NCOA3: variants seen among roughly 807,000 people sequenced by gnomAD.
NCOA3 encodes nuclear receptor coactivator 3.
Under a neutral mutation model 158.8 loss-of-function variants are expected in NCOA3, and 51 were observed. The ratio of observed to expected loss-of-function variants is 0.32; its 90% CI spans 0.26 to 0.41. The LOEUF is 0.41. Ranked by LOEUF, NCOA3 falls within the 10% of genes least tolerant of loss-of-function variation. NCOA3 has a pLI of 1.00. For missense variants in NCOA3, 1,510 were observed against 1,746.6 expected (o/e 0.86, Z 2.41); for synonymous variants, 537 against 592.4 (o/e 0.91, Z 1.36).
At chr20:47,641,490 CTTTTTTTTTTTTTTTTTTT>C (rs71183270) in intron 16 of NCOA3, among the ~76,000 whole-genome samples, 1 of 48,342 alleles carries the variant, frequency 2.1e-5, no homozygotes, top group African/African-American at 1.2e-4. Flanking sequence ...TGGCTCCCTT[CTTTTTTTTTTTTTTTTTTT>C]TTTTTTTTTG....
chr20:47,603,306 G>T (rs1427938164), intron 2 of NCOA3, among the ~76,000 whole-genome samples: 1 of 152,248 alleles, frequency 6.6e-6, no homozygotes, highest in East Asian at 1.9e-4. Flanking sequence ...CTCACAGGAC[G>T]TGCGACAGGG....
intron 1 of NCOA3, among the ~76,000 whole-genome samples, chr20:47,531,114 A>G (rs978420241): frequency 1.3e-5 from 2 of 152,166 alleles, no homozygotes; most frequent in African/African-American, 2.4e-5. Context: ...GAGGGCAGGC[A>G]GATCACTTGA....
chr20:47,639,341 TA>T, intron 14 of NCOA3, 139 bp downstream of exon 14: 2 of 943,582 alleles, frequency 2.1e-6, no homozygotes, highest in Non-Finnish European at 3.2e-6. Flanking sequence ...ATCCTTCATT[TA>T]TTCTATGTTT....
At chr20:47,561,469 T>G (rs1445120027) in intron 1 of NCOA3, among the ~76,000 whole-genome samples, 1 of 151,426 alleles carries the variant, frequency 6.6e-6, no homozygotes, top group South Asian at 2.1e-4. Flanking sequence ...ACCCAGCTAA[T>G]TTTTTTTCTT....
intron 1 of NCOA3, among the ~76,000 whole-genome samples, chr20:47,548,162 G>T (rs1197622107): frequency 6.6e-6 from 1 of 151,808 alleles, no homozygotes; most frequent in Non-Finnish European, 1.5e-5. Context: ...GGAATTGTGA[G>T]TTACCACCTG....
At chr20:47,525,581 C>A (rs1369315610) in intron 1 of NCOA3, among the ~76,000 whole-genome samples, 3 of 135,274 alleles carry the variant, frequency 2.2e-5, no homozygotes, top group Non-Finnish European at 3.2e-5. Context: ...CCCCACCTCC[C>A]TCCTGGACGG....
At position 47,633,569 on chromosome 20, in the gene NCOA3, G is replaced by A. The variant is rs1245043531; in HGVS notation, c.897G>A (p.Arg299=). The change falls in exon 9 of 23, where the codon AGG becomes AGA. Residue 299 remains arginine (R), a synonymous_variant. Transcript: ENST00000371998. ...CTGGCTTTGAAGATATAATCCGAAG[G>A]TGTATTCAGAGATTTTTTAGTCTAA... is the stretch of plus-strand genomic sequence containing the variant. ...MRPGFEDIIR[R]CIQRFFSLND... 1 of 1,613,720 alleles carries A rather than the reference G, an allele frequency of 6.2e-7. No homozygotes were observed. Among genetic ancestry groups the A allele is most frequent in the South Asian group, 1.1e-5 (1 of 91,060 alleles).
chr20:47,646,037 A>G (rs1257639396), intron 17 of NCOA3, among the ~76,000 whole-genome samples: 3 of 152,172 alleles, frequency 2.0e-5, no homozygotes, highest in Non-Finnish European at 4.4e-5. Flanking sequence ...TACCGTCACC[A>G]TTTGACATCT....
rs192092810 is a variant in NCOA3, at chr20:47,637,597, C to T, written c.2377-51C>T. The T allele has an allele frequency of 1.9e-4, 270 of 1,457,044 alleles. 1 individual carries two copies. In the African/African-American group the frequency reaches 2.9e-3, roughly 15 times the overall value. 90.3% of individuals were successfully genotyped at this position (1,457,044 alleles called of 1,614,324 possible). A position where few individuals can be genotyped will look rare whatever the true frequency, so the allele number is the denominator to read the frequency against. On this transcript the variant is annotated intron_variant, in intron 12 of 22. Coordinates refer to ENST00000371998, the MANE Select transcript of NCOA3 (RefSeq NM_181659.3). Reference sequence around the variant, plus strand: ...ATTTTTTCTGATGGGTATGTTTATACCTGTGTGTCTGGTAATGTATACAGG... The same window carrying T: ...ATTTTTTCTGATGGGTATGTTTATATCTGTGTGTCTGGTAATGTATACAGG...
intron 17 of NCOA3, among the ~76,000 whole-genome samples, chr20:47,646,194 T>TA (rs1342035294): frequency 1.3e-5 from 2 of 152,232 alleles, no homozygotes; most frequent in South Asian, 4.1e-4. Context: ...TAATACCTAA[T>TA]ACAATGTAAA....
intron 6 of NCOA3, 25 bp from the exon 7 acceptor site, chr20:47,627,536 T>C (rs757362569): frequency 3.8e-6 from 6 of 1,571,792 alleles, no homozygotes; most frequent in South Asian, 1.2e-5. Context: ...CTTTTTAAAA[T>C]GTCATTTCAA....
At position 47,653,769 on chromosome 20, in the gene NCOA3, C is replaced by T. The variant is rs147170444; in HGVS notation, c.*352C>T. The T allele has an allele frequency of 5.9e-5, 18 of 306,730 alleles. No homozygotes were observed. The highest frequency in any genetic ancestry group is 3.4e-4 in the African/African-American group (16 of 46,480). 19.0% of individuals were successfully genotyped at this position (306,730 alleles called of 1,614,324 possible). ...TGCTAGCCAAAATCTCTTAAATACA[C>T]GTAGGTGGGCCAGAGAACATTGGAA... On this transcript the variant is annotated 3_prime_UTR_variant, in exon 23 of 23. Coordinates refer to ENST00000371998, the MANE Select transcript of NCOA3 (RefSeq NM_181659.3).
intron 1 of NCOA3, among the ~76,000 whole-genome samples, chr20:47,537,891 T>C (rs1220585050): frequency 6.6e-6 from 1 of 151,578 alleles, no homozygotes; most frequent in Admixed American, 6.6e-5. Context: ...TGTTTGTTTG[T>C]TTGTTTGAGA....
chr20:47,625,521 C>T (rs1299737793), intron 5 of NCOA3, 40 bp downstream of exon 5: 1 of 1,322,164 alleles, frequency 7.6e-7, no homozygotes. Flanking sequence ...GGCTGTATTG[C>T]CCTTTGGTTT....
At chr20:47,594,310 A>G (rs1026571929) in intron 2 of NCOA3, among the ~76,000 whole-genome samples, 1 of 152,126 alleles carries the variant, frequency 6.6e-6, no homozygotes, top group Non-Finnish European at 1.5e-5. Context: ...GGAACCTTTT[A>G]GTTACCTGCT....
chr20:47,506,475 G>A (rs985073079), intron 1 of NCOA3, among the ~76,000 whole-genome samples: 1 of 152,106 alleles, frequency 6.6e-6, no homozygotes, highest in Non-Finnish European at 1.5e-5. Context: ...GTAGAAGGCC[G>A]ATTTATCCAC....
At chr20:47,522,528 A>G (rs2146084806) in intron 1 of NCOA3, among the ~76,000 whole-genome samples, 1 of 151,580 alleles carries the variant, frequency 6.6e-6, no homozygotes, top group East Asian at 1.9e-4. Context: ...CCAAAAGAGG[A>G]AGTCCCCACC....
At chr20:47,548,574 TAAAA>T (rs994310236) in intron 1 of NCOA3, among the ~76,000 whole-genome samples, 3 of 149,302 alleles carry the variant, frequency 2.0e-5, no homozygotes, top group Non-Finnish European at 4.4e-5. Context: ...AAATAAAAAT[TAAAA>T]AAAAATCTTT....
At chr20:47,558,106 C>T (rs181796056) in intron 1 of NCOA3, among the ~76,000 whole-genome samples, 2 of 147,862 alleles carry the variant, frequency 1.4e-5, no homozygotes, top group Admixed American at 6.8e-5. Flanking sequence ...TGCCCAGGCT[C>T]GAGTGCAACG....
Sources: allele counts gnomAD v4.1 joint callset (sites outside exome capture counted in the v4.1 genomes callset), GRCh38; gene constraint gnomAD v4.1.1; transcripts MANE v1.5; gene names NCBI Gene and HGNC (gene_info 2026-07-23, HGNC 2026-07-21).